The following LTBP1 variants were observed in gnomAD, a reference collection of about 807,000 sequenced individuals.
LTBP1 encodes latent transforming growth factor beta binding protein 1.
In LTBP1, 129 loss-of-function variants were observed where a neutral mutation model predicts 207.6. The observed-to-expected ratio is 0.62, with a 90% CI of 0.54 to 0.72. The LOEUF is 0.72. LTBP1 is among the 30% of genes least tolerant of loss of function. The pLI is 0.00. For synonymous variants in LTBP1, 963 were observed against 833.7 expected (o/e 1.16, Z -2.67); for missense variants, 2,281 against 2,217.2 (o/e 1.03, Z -0.58).
chr2:33,336,482 G>C (rs1426895608), intron 24 of LTBP1, among the ~76,000 whole-genome samples: 2 of 150,420 alleles, frequency 1.3e-5, no homozygotes. Flanking sequence ...AAAATGAAGA[G>C]ATTGAACTGG....
intron 7 of LTBP1, among the ~76,000 whole-genome samples, chr2:33,202,881 ATCTGTCT>A (rs945332043): frequency 6.6e-5 from 10 of 152,202 alleles, no homozygotes; most frequent in African/African-American, 2.2e-4. Context: ...GCTACTAGAC[ATCTGTCT>A]TCTTGCTGAG....
At chr2:33,229,942 ACT>A (rs2091693158) in intron 9 of LTBP1, among the ~76,000 whole-genome samples, 1 of 152,204 alleles carries the variant, frequency 6.6e-6, no homozygotes, top group South Asian at 2.1e-4. Flanking sequence ...AAGGCATTTG[ACT>A]CATAATATGA....
At chr2:33,273,608 C>A in intron 15 of LTBP1, 48 bp from the exon 16 acceptor site, 1 of 1,485,252 alleles carries the variant, frequency 6.7e-7, no homozygotes, top group Non-Finnish European at 9.1e-7. Context: ...GCAGTGAAAT[C>A]TGTTCATTTC....
chr2:33,384,171 C>T (rs2095245791), intron 31 of LTBP1, among the ~76,000 whole-genome samples: 1 of 152,186 alleles, frequency 6.6e-6, no homozygotes. Flanking sequence ...GCCCCACACC[C>T]ACAGGCTCCA....
chr2:33,034,108 T>G lies in LTBP1; in HGVS notation c.863+12902T>G. Among the ~76,000 whole-genome samples, 2 of 152,156 alleles carry G rather than the reference T, an allele frequency of 1.3e-5. 1 individual carries two copies. The highest frequency in any genetic ancestry group is 2.9e-5 in the Non-Finnish European group (2 of 68,024). ...TTCTCTCAGATGGCATTTTCTTCTT[T>G]AATTCAAAGTTTCACTTTCTCCTTA... On this transcript the variant is annotated intron_variant, in intron 3 of 33. Transcript: ENST00000404816.
chr2:33,353,490 G>A (rs1342997571), intron 26 of LTBP1, among the ~76,000 whole-genome samples: 1 of 152,180 alleles, frequency 6.6e-6, no homozygotes, highest in Non-Finnish European at 1.5e-5. Context: ...CACGGCGCCT[G>A]ATGGATGGTA....
chr2:33,116,815 T>C (rs1335126325), intron 4 of LTBP1, among the ~76,000 whole-genome samples: 1 of 144,568 alleles, frequency 6.9e-6, no homozygotes, highest in Non-Finnish European at 1.5e-5. Flanking sequence ...AAAAGTGAGG[T>C]CAAGCCCACT....
At chr2:32,994,009 T>TGTGTGTGTGTGTGTG (rs746074060) in intron 2 of LTBP1, among the ~76,000 whole-genome samples, 1 of 143,910 alleles carries the variant, frequency 6.9e-6, no homozygotes, top group Non-Finnish European at 1.5e-5. Context: ...TGTGTGTGTG[T>TGTGTGTGTGTGTGTG]TGGGGGTTAT....
chr2:32,956,680 C>G (rs1678124662), intron 2 of LTBP1, among the ~76,000 whole-genome samples: 1 of 152,192 alleles, frequency 6.6e-6, no homozygotes, highest in South Asian at 2.1e-4. Context: ...TCCCGTAAAT[C>G]ATGAATGTTC....
chr2:33,015,426 T>A (rs2149147473), intron 2 of LTBP1, among the ~76,000 whole-genome samples: 1 of 152,314 alleles, frequency 6.6e-6, no homozygotes, highest in South Asian at 2.1e-4. Flanking sequence ...ATTTGGAAAG[T>A]AGTGGCTCTA....
rs75398354 is a variant in LTBP1, at chr2:33,197,648, G to T, written c.1701+8797G>T. On this transcript the variant is annotated intron_variant, in intron 7 of 33. Coordinates refer to ENST00000404816, the MANE Select transcript of LTBP1 (RefSeq NM_206943.4). Reference sequence around the variant, plus strand: ...AAGCTTGTTTGGCATCTGACTTTTTGATTGTTTCAAACATGTTTTATTGAT... The same window carrying T: ...AAGCTTGTTTGGCATCTGACTTTTTTATTGTTTCAAACATGTTTTATTGAT... Among the ~76,000 whole-genome samples the T allele has an allele frequency of 9.7e-3, 1,480 of 152,252 alleles. 22 individuals are homozygous for T. The highest frequency in any genetic ancestry group is 0.037 in the Middle Eastern group (11 of 294).
At chr2:32,993,315 A>G (rs998002439) in intron 2 of LTBP1, among the ~76,000 whole-genome samples, 1 of 152,074 alleles carries the variant, frequency 6.6e-6, no homozygotes, top group Non-Finnish European at 1.5e-5. Context: ...GGGAAGGGAA[A>G]ATTGGTGGAG....
At chr2:33,060,338 T>C (rs1298436763) in intron 3 of LTBP1, among the ~76,000 whole-genome samples, 1 of 152,108 alleles carries the variant, frequency 6.6e-6, no homozygotes, top group East Asian at 1.9e-4. Flanking sequence ...CTCACTGGAG[T>C]CCTAGAATAC....
intron 3 of LTBP1, among the ~76,000 whole-genome samples, chr2:33,064,555 C>T (rs1462389166): frequency 7.2e-5 from 11 of 152,174 alleles, no homozygotes; most frequent in South Asian, 2.1e-4. Flanking sequence ...AGGTTTGTGT[C>T]GCAGTTGAGG....
In LTBP1 at chr2:33,344,778, G is replaced by A. The variant is rs146853398; in HGVS notation, c.3856+1815G>A. ...TGAAAACTTTCTCACTTCTCCCTGGGCAGGGCACGATGCTTGGCTTATTAT... is the reference window on the plus strand; with the variant it reads ...TGAAAACTTTCTCACTTCTCCCTGGACAGGGCACGATGCTTGGCTTATTAT... On this transcript the variant is annotated intron_variant, in intron 25 of 33. Coordinates refer to ENST00000404816, the MANE Select transcript of LTBP1 (RefSeq NM_206943.4). Among the ~76,000 whole-genome samples the A allele has an allele frequency of 4.4e-3, 663 of 152,276 alleles. 9 individuals are homozygous for A. Among genetic ancestry groups the A allele is most frequent in the South Asian group, 0.035 (171 of 4,824 alleles).
At chr2:33,115,926 A>G (rs1383800480) in intron 4 of LTBP1, among the ~76,000 whole-genome samples, 1 of 152,230 alleles carries the variant, frequency 6.6e-6, no homozygotes, top group Non-Finnish European at 1.5e-5. Flanking sequence ...CTATGTGCTG[A>G]CGTAGTAAAA....
chr2:33,090,905 T>G (rs1345739648), intron 3 of LTBP1, among the ~76,000 whole-genome samples: 1 of 152,242 alleles, frequency 6.6e-6, no homozygotes, highest in East Asian at 1.9e-4. Context: ...TCCCTCCCCT[T>G]GGCTAGCAGT....
At chr2:33,126,153 C>T (rs2081419972) in intron 4 of LTBP1, among the ~76,000 whole-genome samples, 1 of 152,110 alleles carries the variant, frequency 6.6e-6, no homozygotes, top group African/African-American at 2.4e-5. Context: ...AGTGATCCAA[C>T]AGAGACAGAC....
chr2:33,144,037 C>G (rs1388066596), intron 5 of LTBP1, among the ~76,000 whole-genome samples: 1 of 151,908 alleles, frequency 6.6e-6, no homozygotes, highest in Non-Finnish European at 1.5e-5. Context: ...ACTGGAAGAC[C>G]TTTGTCTCTT....
Sources: allele counts gnomAD v4.1 joint callset (sites outside exome capture counted in the v4.1 genomes callset), GRCh38; gene constraint gnomAD v4.1.1; transcripts MANE v1.5; gene names NCBI Gene and HGNC (gene_info 2026-07-23, HGNC 2026-07-21).